Variants in NCAPD2 observed in about 807,000 individuals in gnomAD.
NCAPD2 encodes non-SMC condensin I complex subunit D2, also known as condensin complex subunit 1.
Under a neutral mutation model 164.5 loss-of-function variants are expected in NCAPD2, and 100 were observed. That is an observed-to-expected ratio of 0.61 (90% CI 0.52 to 0.72). NCAPD2 has a LOEUF of 0.72. NCAPD2 is among the 30% of genes least tolerant of loss of function. The pLI, the probability that NCAPD2 is intolerant of heterozygous loss-of-function variation, is 0.00. For missense variants in NCAPD2, 1,560 were observed against 1,749.2 expected, an observed-to-expected ratio of 0.89 and a Z score of 1.93; for synonymous variants, 585 against 642.6, an observed-to-expected ratio of 0.91 and a Z score of 1.36.
intron 23 of NCAPD2, 35 bp from the exon 24 acceptor site, chr12:6,527,932 TA>T (rs1443588098): frequency 2.5e-6 from 4 of 1,614,080 alleles, no homozygotes; most frequent in Non-Finnish European, 3.4e-6. Context: ...CCAATTAAGA[TA>T]ACCTGTCCCA....
intron 6 of NCAPD2, among the ~76,000 whole-genome samples, chr12:6,513,747 G>C (rs80027756): frequency 0.034 from 1,344 of 39,742 alleles, 46 homozygotes; most frequent in African/African-American, 0.13. Flanking sequence ...ATGGAGTCTC[G>C]CAATGTCGCC....
intron 8 of NCAPD2, 63 bp downstream of exon 8, chr12:6,514,650 T>G: frequency 6.2e-7 from 1 of 1,612,284 alleles, no homozygotes; most frequent in South Asian, 1.1e-5. Flanking sequence ...AAAGAAAGAT[T>G]GGAAATACAT....
intron 4 of NCAPD2, 50 bp from the exon 5 acceptor site, chr12:6,510,579 G>A (rs780543261): frequency 1.9e-6 from 3 of 1,593,996 alleles, no homozygotes; most frequent in Admixed American, 1.7e-5. Context: ...TGAAGTTGGG[G>A]TATATGAAAG....
chr12:6,504,239 A>ATATATATATATATG (rs1565539686), intron 2 of NCAPD2, among the ~76,000 whole-genome samples: 13 of 86,942 alleles, frequency 1.5e-4, no homozygotes, highest in African/African-American at 5.2e-4. Context: ...ATATATATAT[A>ATATATATATATATG]TATACCATTG....
chr12:6,517,569 G>C, intron 11 of NCAPD2, 27 bp from the exon 12 acceptor site: 2 of 1,614,190 alleles, frequency 1.2e-6, no homozygotes, highest in Non-Finnish European at 8.5e-7. Flanking sequence ...GTCATTTACT[G>C]ACCCTGCTAT....
chr12:6,529,444 AG>A, intron 27 of NCAPD2, 68 bp from the exon 28 acceptor site: 1 of 1,372,648 alleles, frequency 7.3e-7, no homozygotes, highest in Non-Finnish European at 1.0e-6. Context: ...GGGAGGGTCC[AG>A]GGTTGGTCTT....
At chr12:6,507,342 G>A (rs538284955) in intron 2 of NCAPD2, among the ~76,000 whole-genome samples, 3 of 152,302 alleles carry the variant, frequency 2.0e-5, no homozygotes, top group South Asian at 2.1e-4. Context: ...CCTTTAATCC[G>A]AGTACTTTGG....
chr12:6,529,710 T>C (rs984587626), intron 28 of NCAPD2, 65 bp from the exon 29 acceptor site: 1 of 1,600,916 alleles, frequency 6.2e-7, no homozygotes, highest in Admixed American at 1.7e-5. Flanking sequence ...GGGAGGCTGA[T>C]GGGGAAGGTT....
At chr12:6,527,340 G>T (rs975699644) in intron 22 of NCAPD2, among the ~76,000 whole-genome samples, 2 of 152,220 alleles carry the variant, frequency 1.3e-5, no homozygotes, top group African/African-American at 4.8e-5. Flanking sequence ...GTTAGAACAC[G>T]CACGTACCCG....
At chr12:6,512,757 G>C (rs969899270) in intron 6 of NCAPD2, among the ~76,000 whole-genome samples, 7 of 152,218 alleles carry the variant, frequency 4.6e-5, no homozygotes, top group African/African-American at 1.7e-4. Flanking sequence ...CAGTTAAGAG[G>C]CTGTTCCAAT....
intron 2 of NCAPD2, among the ~76,000 whole-genome samples, chr12:6,501,553 T>C (rs1946037301): frequency 6.6e-6 from 1 of 152,122 alleles, no homozygotes; most frequent in African/African-American, 2.4e-5. Flanking sequence ...TGGGGTAGCA[T>C]ATGGGAGGGA....
At position 6,531,359 on chromosome 12, in the gene NCAPD2, C is replaced by G; in HGVS notation, c.4153C>G (p.Pro1385Ala). The G allele has an allele frequency of 6.2e-7, 1 of 1,613,856 alleles. No homozygotes were observed. The highest frequency in any genetic ancestry group is 8.5e-7 in the Non-Finnish European group (1 of 1,180,014). ...AGCAGAGATGACAGAAGACGAGACA[C>G]CCAAGAAAACAACTCCCATTCTCAG... is the stretch of plus-strand genomic sequence containing the variant. ...LSAEMTEDET[P>A]KKTTPILRAS... Residue 1385 changes from proline to alanine, a missense_variant, in exon 32 of 32, where the codon CCC (proline) becomes GCC (alanine). By Grantham distance (27) the Pro-to-Ala change is conservative. Transcript: ENST00000315579. The surrounding 1 kb of genome is among the most constrained non-coding windows in gnomAD (Gnocchi z 4.1).
At chr12:6,512,272 CAAAAAAAAAAA>C (rs35978725) in intron 6 of NCAPD2, among the ~76,000 whole-genome samples, 2 of 87,380 alleles carry the variant, frequency 2.3e-5, no homozygotes, top group Non-Finnish European at 2.2e-5. Context: ...ACTCCATCTC[CAAAAAAAAAAA>C]AAAAAAAAAA....
chr12:6,514,391 C>T lies in NCAPD2; in HGVS notation c.714C>T (p.Leu238=). ...CCTTGACCCGTTATAACCATATGCT[C>T]AGTAAGTTACCAGTCGCTTTGCCCC... ...GVALTRYNHM[L]SATVKIIQML... The change falls in exon 7 of 32, where the codon CTC becomes CTT. Residue 238 remains leucine (L), a splice_region_variant and synonymous_variant. Transcript: ENST00000315579. 1 of 1,614,210 alleles carries T rather than the reference C, an allele frequency of 6.2e-7. No homozygotes were observed. The highest frequency in any genetic ancestry group is 8.5e-7 in the Non-Finnish European group (1 of 1,180,040).
chr12:6,501,259 T>TTTG (rs1565538688), intron 2 of NCAPD2, among the ~76,000 whole-genome samples: 1 of 119,488 alleles, frequency 8.4e-6, no homozygotes, highest in Non-Finnish European at 1.7e-5. Context: ...TTTTTTTTTT[T>TTTG]AGGCAGAGTC....
intron 27 of NCAPD2, chr12:6,529,302 A>G (rs1946348922): frequency 1.6e-6 from 1 of 621,620 alleles, no homozygotes; most frequent in Admixed American, 2.9e-5. Flanking sequence ...GCTCCTGTTA[A>G]TTTCCATTCA....
chr12:6,525,757 A>G, intron 18 of NCAPD2, 41 bp downstream of exon 18: 2 of 1,604,488 alleles, frequency 1.2e-6, no homozygotes, highest in Non-Finnish European at 8.5e-7. Context: ...GGGAGAGCAA[A>G]GGAAGGTTCT....
chr12:6,525,613 A>G lies in NCAPD2; in HGVS notation c.2245A>G (p.Lys749Glu). The stretch of plus-strand genomic sequence containing the variant: ...TGAGTTTGTGCAGAAGGATGAGTTG[A>G]AACCAGCAGTGACCCAGCTGCTGTG... Reference protein sequence around the residue: ...LCEFVQKDELKPAVTQLLWER... With the variant: ...LCEFVQKDELEPAVTQLLWER... Residue 749 changes from lysine (K) to glutamate (E), a missense_variant, in exon 18 of 32, where the codon AAA becomes GAA. Coordinates refer to ENST00000315579, the MANE Select transcript of NCAPD2 (RefSeq NM_014865.4). 6.2e-7 allele frequency: 1 copy of G among 1,612,970 alleles called. No individual in the cohort carries two copies. The highest frequency in any genetic ancestry group is 8.5e-7 in the Non-Finnish European group (1 of 1,179,914).
chr12:6,531,019 C>T lies in NCAPD2; in HGVS notation c.4063C>T (p.Arg1355Ter), dbSNP rs960416335. Residue 1355 changes from arginine to a stop codon, truncating the protein, a stop_gained, in exon 31 of 32, where the codon CGA (arginine) becomes TGA (stop). Transcript: ENST00000315579. LOFTEE classifies it high-confidence loss of function. This position sits in a 1 kb window ranked among gnomAD's most constrained non-coding sequence, Gnocchi z 4.1. ...TTRRHPNTQQRASKKKPKVVF... is the reference protein window; with the variant it reads ...TTRRHPNTQQ The stretch of plus-strand genomic sequence containing the variant: ...CCGTCGGCATCCAAACACCCAGCAG[C>T]GAGCTTCCAAAAAGAAACCCAAAGT... 3.7e-6 allele frequency: 6 copies of T among 1,614,032 alleles called. No individual in the cohort carries two copies. The highest frequency in any genetic ancestry group is 2.2e-5 in the East Asian group (1 of 44,892).
Sources: gnomAD v4.1 joint callset for allele counts (sites outside exome capture counted in the v4.1 genomes callset) on GRCh38, gnomAD v4.1.1 for gene constraint, Gnocchi (gnomAD v3.1) non-coding constraint, MANE v1.5 for transcripts, NCBI Gene and HGNC (gene_info 2026-07-23, HGNC 2026-07-21) for gene names.